The following SLC9B1 variants were observed in gnomAD, a reference collection of about 807,000 sequenced individuals.
SLC9B1 encodes the protein sodium/hydrogen exchanger 9B1.
A neutral mutation model predicts 51.7 loss-of-function variants in SLC9B1; 32 were observed. That is an observed-to-expected ratio of 0.62 (90% confidence interval 0.47 to 0.83). The LOEUF (loss-of-function observed/expected upper bound fraction) is 0.83. Ranked by LOEUF, SLC9B1 falls within the 40% of genes least tolerant of loss-of-function variation. SLC9B1 has a pLI of 0.00. For missense variants in SLC9B1, 406 were observed against 613.2 expected (o/e 0.66, Z 3.57); for synonymous variants, 145 against 212.7 (o/e 0.68, Z 2.77).
chr4:103,004,203 T>C (rs79980152), intron 1 of SLC9B1, among the ~76,000 whole-genome samples: 1,712 of 152,184 alleles, frequency 0.011, 14 homozygotes, highest in Non-Finnish European at 0.017. Context: ...TAAAATGATA[T>C]AGGAACTTAA....
chr4:102,968,790 C>T (rs747961572), intron 3 of SLC9B1, among the ~76,000 whole-genome samples: 8 of 152,150 alleles, frequency 5.3e-5, no homozygotes, highest in East Asian at 3.9e-4. Context: ...CAAGGGAAGC[C>T]GTGACAGACG....
chr4:102,981,306 C>T (rs1739345426), intron 3 of SLC9B1, among the ~76,000 whole-genome samples: 1 of 152,136 alleles, frequency 6.6e-6, no homozygotes, highest in Non-Finnish European at 1.5e-5. Flanking sequence ...TTGCCATAAA[C>T]ATCCATGTTT....
intron 11 of SLC9B1, among the ~76,000 whole-genome samples, chr4:102,887,119 A>T (rs1472124816): frequency 6.6e-5 from 10 of 152,208 alleles, no homozygotes; most frequent in Non-Finnish European, 1.3e-4. Flanking sequence ...GGACTCATTC[A>T]TAGGTTTTTA....
intron 2 of SLC9B1, among the ~76,000 whole-genome samples, chr4:102,990,445 G>T (rs1739887155): frequency 6.6e-6 from 1 of 152,004 alleles, no homozygotes; most frequent in Non-Finnish European, 1.5e-5. Context: ...ATATTAAATA[G>T]TGCAAGGGTA....
chr4:102,955,841 GAGAGAA>G (rs1380747469), intron 3 of SLC9B1, among the ~76,000 whole-genome samples: 163 of 138,552 alleles, frequency 1.2e-3, no homozygotes, highest in African/African-American at 4.4e-3. Flanking sequence ...AAGAAAGAGA[GAGAGAA>G]AGAAAGAAAG....
intron 3 of SLC9B1, among the ~76,000 whole-genome samples, chr4:102,961,021 C>T (rs978386827): frequency 1.3e-5 from 2 of 152,098 alleles, no homozygotes; most frequent in African/African-American, 4.8e-5. Context: ...CATGAGCCAC[C>T]GTGACTGGCC....
intron 7 of SLC9B1, among the ~76,000 whole-genome samples, chr4:102,930,920 A>G (rs926127044): frequency 2.0e-5 from 3 of 152,020 alleles, no homozygotes; most frequent in African/African-American, 7.2e-5. Flanking sequence ...GTGTAAAACA[A>G]TTCAGGTTAT....
chr4:103,016,263 C>T (rs970379569), intron 1 of SLC9B1, among the ~76,000 whole-genome samples: 1 of 151,492 alleles, frequency 6.6e-6, no homozygotes, highest in African/African-American at 2.4e-5. Context: ...CTAAAATATA[C>T]ACACTCTCTC....
At chr4:102,957,273 C>G (rs1261017093) in intron 3 of SLC9B1, among the ~76,000 whole-genome samples, 1 of 152,070 alleles carries the variant, frequency 6.6e-6, no homozygotes, top group African/African-American at 2.4e-5. Context: ...AACATAATGT[C>G]TGAAAACTTC....
At chr4:102,890,938 AT>A (rs1734219193) in intron 11 of SLC9B1, 1 of 150,350 alleles carries the variant, frequency 6.7e-6, no homozygotes, top group Admixed American at 6.6e-5. Context: ...CAATATAAAT[AT>A]CTCAGCATTG....
chr4:102,932,611 C>G (rs746136148), intron 6 of SLC9B1, among the ~76,000 whole-genome samples: 1 of 151,974 alleles, frequency 6.6e-6, no homozygotes, highest in African/African-American at 2.4e-5. Flanking sequence ...AAGGTGAATC[C>G]GCAATGGACA....
intron 3 of SLC9B1, among the ~76,000 whole-genome samples, chr4:102,985,015 C>A (rs1739541667): frequency 6.6e-6 from 1 of 152,132 alleles, no homozygotes; most frequent in South Asian, 2.1e-4. Context: ...TTGTTAGGCA[C>A]AAATACATTA....
rs188290598 is a variant in SLC9B1 at position 102,991,707 on chromosome 4, T to G, written c.5A>C (p.His2Pro). 6.3e-7 allele frequency: 1 copy of G among 1,576,822 alleles called. No homozygotes were observed. The highest frequency in any genetic ancestry group is 1.4e-5 in the African/African-American group (1 of 74,020). Residue 2 changes from histidine (H) to proline (P), a missense_variant, in exon 2 of 12, where the codon CAT becomes CCT. Physicochemically the swap from His to Pro is moderately conservative, Grantham distance 77. Coordinates refer to ENST00000296422, the MANE Select transcript of SLC9B1 (RefSeq NM_139173.4). ...ATGTTCATTTTTTGATTCTGTGGTA[T>G]GCATGCTAAGATTTAAAAGAAAAAT... is the stretch of plus-strand genomic sequence containing the variant. M[H>P]TTESKNEHLE...
intron 3 of SLC9B1, among the ~76,000 whole-genome samples, chr4:102,975,897 A>T (rs1049562062): frequency 6.6e-5 from 10 of 152,016 alleles, no homozygotes; most frequent in African/African-American, 2.4e-4. Context: ...GGTCACATGC[A>T]TAAATATGAT....
At chr4:102,940,981 A>C (rs200974274) in intron 6 of SLC9B1, among the ~76,000 whole-genome samples, 2 of 152,174 alleles carry the variant, frequency 1.3e-5, no homozygotes, top group Non-Finnish European at 2.9e-5. Context: ...ACCTCAAGAT[A>C]GATTAAAGAC....
At chr4:102,922,070 A>T (rs1735907616) in intron 7 of SLC9B1, among the ~76,000 whole-genome samples, 1 of 152,220 alleles carries the variant, frequency 6.6e-6, no homozygotes, top group Admixed American at 6.5e-5. Context: ...CCTAATAGAT[A>T]TCTACAGAAC....
At chr4:102,886,034 A>G (rs1053586896) in intron 11 of SLC9B1, among the ~76,000 whole-genome samples, 24 of 152,336 alleles carry the variant, frequency 1.6e-4, no homozygotes, top group African/African-American at 5.8e-4. Context: ...TTTTTAATAC[A>G]GTATTGCTCA....
chr4:103,007,591 CTTTTTT>C (rs58447131), intron 1 of SLC9B1, among the ~76,000 whole-genome samples: 1 of 107,746 alleles, frequency 9.3e-6, no homozygotes, highest in Non-Finnish European at 1.8e-5. Flanking sequence ...CTCTTGTCAT[CTTTTTT>C]TTTTTTTTTT....
At chr4:102,909,047 G>C (rs1177448468) in intron 9 of SLC9B1, among the ~76,000 whole-genome samples, 1 of 152,232 alleles carries the variant, frequency 6.6e-6, no homozygotes, top group African/African-American at 2.4e-5. Context: ...AATAGAACTA[G>C]TGATAATATC....
Sources: gnomAD v4.1 joint callset for allele counts (sites outside exome capture counted in the v4.1 genomes callset) on GRCh38, gnomAD v4.1.1 for gene constraint, MANE v1.5 for transcripts, NCBI Gene and HGNC (gene_info 2026-07-23, HGNC 2026-07-21) for gene names.